The following NUP210L variants were observed in gnomAD, a reference collection of about 807,000 sequenced individuals.
NUP210L encodes nuclear pore membrane glycoprotein 210-like.
A neutral mutation model predicts 208.5 loss-of-function variants in NUP210L; 74 were observed. That is an observed-to-expected ratio of 0.35 (90% CI 0.29 to 0.43). The LOEUF (loss-of-function observed/expected upper bound fraction) is 0.43, where lower values mean the gene tolerates loss of function less well. Ranked by LOEUF, NUP210L falls within the 20% of genes least tolerant of loss-of-function variation. The pLI is 1.00. For synonymous variants in NUP210L, 780 were observed against 816.9 expected, an observed-to-expected ratio of 0.95 and a Z score of 0.77; for missense variants, 1,843 against 2,289.4, an observed-to-expected ratio of 0.81 and a Z score of 3.98.
chr1:154,057,121 GGCACATACCA>G (rs1344384830), intron 22 of NUP210L, among the ~76,000 whole-genome samples, 174 bp from the exon 23 acceptor site: 5 of 152,062 alleles, frequency 3.3e-5, no homozygotes, highest in Non-Finnish European at 7.4e-5. Flanking sequence ...TGGGACTACA[GGCACATACCA>G]TCACTCCTGG....
chr1:154,118,736 G>A (rs768780267), exon 11 of NUP210L: 2 of 1,601,080 alleles, frequency 1.2e-6, no homozygotes, highest in Non-Finnish European at 8.6e-7. Context: ...TTGGGTGTAA[G>A]CATGATGGGA....
intron 2 of NUP210L, among the ~76,000 whole-genome samples, chr1:154,145,875 C>T (rs1342340967): frequency 6.6e-6 from 1 of 152,062 alleles, no homozygotes; most frequent in Non-Finnish European, 1.5e-5. Flanking sequence ...GCAGTGGATA[C>T]ACCAGTAGCA....
chr1:154,048,653 C>T (rs1025093609), intron 25 of NUP210L, among the ~76,000 whole-genome samples: 1 of 152,190 alleles, frequency 6.6e-6, no homozygotes, highest in African/African-American at 2.4e-5. Context: ...CCCACCACAG[C>T]TGGTAATGCC....
At chr1:154,062,792 C>G (rs1034349596) in intron 17 of NUP210L, among the ~76,000 whole-genome samples, 3 of 151,978 alleles carry the variant, frequency 2.0e-5, no homozygotes, top group Admixed American at 2.0e-4. Context: ...GTTAACCAGG[C>G]TGGTCTTGAA....
intron 27 of NUP210L, among the ~76,000 whole-genome samples, chr1:154,041,626 C>T (rs547837767): frequency 5.6e-5 from 8 of 143,556 alleles, no homozygotes; most frequent in Non-Finnish European, 1.2e-4. Flanking sequence ...CACAGAAATA[C>T]ATTAAATGAA....
At chr1:154,032,298 T>C (rs984803701) in intron 27 of NUP210L, among the ~76,000 whole-genome samples, 1 of 151,588 alleles carries the variant, frequency 6.6e-6, no homozygotes, top group African/African-American at 2.4e-5. Flanking sequence ...CCATAGTGAT[T>C]GTACTAATTT....
At chr1:154,104,645 C>T (rs1478087959) in intron 12 of NUP210L, 2 of 152,864 alleles carry the variant, frequency 1.3e-5, no homozygotes, top group Non-Finnish European at 2.9e-5. Flanking sequence ...GGGCAGAATT[C>T]AGTCAGTGCC....
intron 27 of NUP210L, among the ~76,000 whole-genome samples, chr1:154,034,619 G>C (rs1652429897): frequency 6.6e-6 from 1 of 151,870 alleles, no homozygotes; most frequent in East Asian, 1.9e-4. Flanking sequence ...GTGAGCCACT[G>C]TGCCCAGACT....
At chr1:154,130,421 C>T (rs1462645388) in intron 7 of NUP210L, among the ~76,000 whole-genome samples, 1 of 151,856 alleles carries the variant, frequency 6.6e-6, no homozygotes, top group Non-Finnish European at 1.5e-5. Flanking sequence ...TATAGGCGCG[C>T]ACCACCTCGC....
exon 10 of NUP210L, chr1:154,126,444 T>C: frequency 6.2e-7 from 1 of 1,611,114 alleles, no homozygotes; most frequent in East Asian, 2.2e-5. Context: ...CTTAGGAAAG[T>C]CGTATGTAAT....
At chr1:154,018,457 C>G (rs1651387423) in intron 33 of NUP210L, among the ~76,000 whole-genome samples, 1 of 152,148 alleles carries the variant, frequency 6.6e-6, no homozygotes, top group African/African-American at 2.4e-5. Context: ...ACAGTCTTCC[C>G]CATTTCAGTT....
At chr1:154,127,182 C>T (rs939786479) in intron 9 of NUP210L, 129 bp downstream of exon 9, 28 of 434,584 alleles carry the variant, frequency 6.4e-5, no homozygotes, top group Non-Finnish European at 1.1e-4. Context: ...TAGCAACTTG[C>T]TTTTCCGAAG....
chr1:154,002,745 G>C (rs537620487), intron 35 of NUP210L, among the ~76,000 whole-genome samples: 1 of 150,942 alleles, frequency 6.6e-6, no homozygotes, highest in Non-Finnish European at 1.5e-5. Context: ...GTTTACAGGC[G>C]TGAGAAACTG....
chr1:154,079,746 A>ATCTTGGTCAAGGTCAAGATC (rs567962782), intron 16 of NUP210L: 2 of 152,074 alleles, frequency 1.3e-5, no homozygotes, highest in Admixed American at 6.6e-5. Context: ...TGAACCATTG[A>ATCTTGGTCAAGGTCAAGATC]TCTTGGTCAA....
chr1:154,073,236 C>T (rs997371544), intron 16 of NUP210L, among the ~76,000 whole-genome samples: 1 of 152,162 alleles, frequency 6.6e-6, no homozygotes, highest in African/African-American at 2.4e-5. Flanking sequence ...CACCTTACTG[C>T]TGCAAGAATT....
intron 12 of NUP210L, among the ~76,000 whole-genome samples, chr1:154,115,719 C>T (rs962233254): frequency 1.3e-5 from 2 of 152,040 alleles, no homozygotes; most frequent in Non-Finnish European, 2.9e-5. Context: ...AGATAGGGAT[C>T]ATGTGTTATG....
At chr1:154,120,491 G>C (rs1218490743) in intron 10 of NUP210L, among the ~76,000 whole-genome samples, 1 of 151,934 alleles carries the variant, frequency 6.6e-6, no homozygotes, top group Non-Finnish European at 1.5e-5. Flanking sequence ...GTTGGGGGAG[G>C]GGGGAAGGAT....
chr1:154,005,141 G>A (rs1263932028), intron 35 of NUP210L, among the ~76,000 whole-genome samples: 2 of 151,762 alleles, frequency 1.3e-5, no homozygotes, highest in African/African-American at 2.4e-5. Flanking sequence ...ATGAGCCACC[G>A]TGCCCGGCCT....
intron 35 of NUP210L, among the ~76,000 whole-genome samples, chr1:154,008,753 T>C (rs1470481364): frequency 6.6e-6 from 1 of 152,012 alleles, no homozygotes; most frequent in Non-Finnish European, 1.5e-5. Flanking sequence ...ATTACTTTGC[T>C]TTTCTTTGTA....
Sources: allele counts gnomAD v4.1 joint callset (sites outside exome capture counted in the v4.1 genomes callset), GRCh38; gene constraint gnomAD v4.1.1; transcripts MANE v1.5; gene names NCBI Gene and HGNC (gene_info 2026-07-23, HGNC 2026-07-21).